The following KIAA1328 variants were observed in gnomAD, a reference collection of about 807,000 sequenced individuals.
The protein encoded by KIAA1328 is KIAA1328.
A neutral mutation model predicts 68.1 loss-of-function variants in KIAA1328; 52 were observed. That is an observed-to-expected ratio of 0.76 (90% CI 0.61 to 0.96). The LOEUF (loss-of-function observed/expected upper bound fraction) is 0.96, where lower values mean the gene tolerates loss of function less well. Among genes scored for constraint, KIAA1328 ranks in the 40% least tolerant of loss-of-function variants. The probability of loss-of-function intolerance (pLI) is 0.00; values close to 1 mark genes in which losing one functional copy is unlikely to be tolerated. For missense variants in KIAA1328, 641 were observed against 677.6 expected, an observed-to-expected ratio of 0.95 and a Z score of 0.60; for synonymous variants, 232 against 239.4, an observed-to-expected ratio of 0.97 and a Z score of 0.28.
At chr18:36,890,691 A>G (rs552120020) in intron 5 of KIAA1328, among the ~76,000 whole-genome samples, 1 of 152,320 alleles carries the variant, frequency 6.6e-6, no homozygotes, top group South Asian at 2.1e-4. Flanking sequence ...TAAACCTAAC[A>G]GTAATGTACA....
chr18:36,928,774 G>A (rs2050212961), intron 5 of KIAA1328, among the ~76,000 whole-genome samples: 1 of 152,114 alleles, frequency 6.6e-6, no homozygotes, highest in Non-Finnish European at 1.5e-5. Flanking sequence ...CTGTGTTGTT[G>A]TGTTTCACTA....
intron 5 of KIAA1328, among the ~76,000 whole-genome samples, chr18:36,922,289 C>T (rs1472160889): frequency 6.6e-6 from 1 of 152,142 alleles, no homozygotes; most frequent in Non-Finnish European, 1.5e-5. Flanking sequence ...TCTGCCTTGT[C>T]TTCCTTTTAT....
At chr18:36,909,420 G>A (rs2151063800) in intron 5 of KIAA1328, among the ~76,000 whole-genome samples, 1 of 152,210 alleles carries the variant, frequency 6.6e-6, no homozygotes, top group East Asian at 1.9e-4. Context: ...TGCTGAGAAT[G>A]ATGGTTTCCA....
Position 37,041,597 on chromosome 18 carries a change from G to A in KIAA1328, c.577-25293G>A, listed in dbSNP as rs937962907. 6.7e-5 allele frequency among the ~76,000 whole-genome samples: 10 copies of A among 149,618 alleles called. No homozygotes were observed. The East Asian group carries it at 1.2e-3, about 18-fold the overall frequency. ...CTGTTTTATTTTCTATATGCCCATCGATGTCTTACTCTTGTACTCCTTCCT... is the reference window on the plus strand; with the variant it reads ...CTGTTTTATTTTCTATATGCCCATCAATGTCTTACTCTTGTACTCCTTCCT... On this transcript the variant is annotated intron_variant, in intron 6 of 9. Coordinates refer to ENST00000280020, the MANE Select transcript of KIAA1328 (RefSeq NM_020776.3).
intron 4 of KIAA1328, among the ~76,000 whole-genome samples, chr18:36,852,505 G>C (rs1021737373): frequency 2.0e-5 from 3 of 152,108 alleles, no homozygotes; most frequent in Non-Finnish European, 4.4e-5. Context: ...CTTGTGATTA[G>C]GCAAATCTGA....
intron 4 of KIAA1328, among the ~76,000 whole-genome samples, chr18:36,850,163 CA>C (rs2047165656): frequency 6.6e-6 from 1 of 151,770 alleles, no homozygotes; most frequent in Non-Finnish European, 1.5e-5. Context: ...TTCACTTTCT[CA>C]GTGGTATTCT....
chr18:36,952,298 C>G (rs933332119), intron 5 of KIAA1328, among the ~76,000 whole-genome samples: 1 of 152,176 alleles, frequency 6.6e-6, no homozygotes, highest in Non-Finnish European at 1.5e-5. Context: ...AAGTGAACTA[C>G]TCACCCCACC....
At chr18:37,038,904 G>T (rs184140921) in intron 6 of KIAA1328, among the ~76,000 whole-genome samples, 4 of 152,194 alleles carry the variant, frequency 2.6e-5, no homozygotes, top group African/African-American at 7.2e-5. Flanking sequence ...CTAGTTTTTT[G>T]AGAGTCTTTA....
chr18:37,151,242 G>T (rs1378549673), intron 7 of KIAA1328, among the ~76,000 whole-genome samples: 1 of 152,044 alleles, frequency 6.6e-6, no homozygotes, highest in Non-Finnish European at 1.5e-5. Flanking sequence ...ATCTCTACAT[G>T]ATAACCACAA....
intron 6 of KIAA1328, among the ~76,000 whole-genome samples, chr18:37,044,329 C>T (rs1382175435): frequency 6.6e-6 from 1 of 152,092 alleles, no homozygotes; most frequent in Non-Finnish European, 1.5e-5. Flanking sequence ...TGGATCCTAT[C>T]CGTCATCTCC....
At chr18:37,166,609 C>T (rs1456474134) in intron 8 of KIAA1328, among the ~76,000 whole-genome samples, 1 of 152,076 alleles carries the variant, frequency 6.6e-6, no homozygotes, top group Non-Finnish European at 1.5e-5. Context: ...TTAGTATCTG[C>T]CCTCTGAGGA....
chr18:36,929,389 T>C (rs2050233378), intron 5 of KIAA1328, among the ~76,000 whole-genome samples: 1 of 151,342 alleles, frequency 6.6e-6, no homozygotes. Flanking sequence ...GTTTGAGTTA[T>C]TCTAGTCAAT....
intron 6 of KIAA1328, among the ~76,000 whole-genome samples, chr18:37,000,105 C>A (rs1339613750): frequency 6.6e-6 from 1 of 151,896 alleles, no homozygotes; most frequent in Non-Finnish European, 1.5e-5. Context: ...ATGCTGCATA[C>A]AAGAAACTCA....
chr18:37,087,552 T>C (rs2057141218), intron 7 of KIAA1328, among the ~76,000 whole-genome samples: 1 of 152,218 alleles, frequency 6.6e-6, no homozygotes, highest in South Asian at 2.1e-4. Context: ...TTTCCACAAA[T>C]GTCTGATGAT....
intron 6 of KIAA1328, among the ~76,000 whole-genome samples, chr18:36,969,430 A>G (rs2052078393): frequency 2.0e-5 from 3 of 152,156 alleles, no homozygotes; most frequent in Admixed American, 1.3e-4. Flanking sequence ...ATCCAAGTAA[A>G]CACAATCAGT....
chr18:37,002,031 A>G (rs1317859916), intron 6 of KIAA1328, among the ~76,000 whole-genome samples: 1 of 152,082 alleles, frequency 6.6e-6, no homozygotes, highest in Non-Finnish European at 1.5e-5. Flanking sequence ...AAAGAAATAA[A>G]AGGCATTCAA....
chr18:36,921,623 C>G (rs542686190), intron 5 of KIAA1328, among the ~76,000 whole-genome samples: 1 of 152,232 alleles, frequency 6.6e-6, no homozygotes, highest in African/African-American at 2.4e-5. Flanking sequence ...CCAGGATGGT[C>G]TCGATCACCT....
At chr18:36,984,563 T>TAA (rs2052830782) in intron 6 of KIAA1328, among the ~76,000 whole-genome samples, 1 of 152,166 alleles carries the variant, frequency 6.6e-6, no homozygotes, top group Non-Finnish European at 1.5e-5. Flanking sequence ...GTCAAAGACC[T>TAA]AGACACTTAA....
At chr18:37,027,877 T>A (rs1246180090) in intron 6 of KIAA1328, among the ~76,000 whole-genome samples, 1 of 152,052 alleles carries the variant, frequency 6.6e-6, no homozygotes, top group Admixed American at 6.6e-5. Flanking sequence ...TGGGATCTAA[T>A]TAAACTAAAG....
Sources: gnomAD v4.1 joint callset for allele counts (sites outside exome capture counted in the v4.1 genomes callset) on GRCh38, gnomAD v4.1.1 for gene constraint, MANE v1.5 for transcripts, NCBI Gene and HGNC (gene_info 2026-07-23, HGNC 2026-07-21) for gene names.